Variants in ZFHX3 observed in about 807,000 individuals in gnomAD.
ZFHX3 encodes zinc finger homeobox 3, also known as zinc finger homeobox protein 3.
A neutral mutation model predicts 279.1 loss-of-function variants in ZFHX3; 42 were observed. The ratio of observed to expected loss-of-function variants is 0.15; its 90% CI spans 0.12 to 0.19. The LOEUF (loss-of-function observed/expected upper bound fraction) is 0.19. ZFHX3 is among the 10% of genes least tolerant of loss of function. ZFHX3 has a pLI of 1.00. For synonymous variants in ZFHX3, 2,293 were observed against 1,957.8 expected, an observed-to-expected ratio of 1.17 and a Z score of -4.52; for missense variants, 4,981 against 4,754.0, an observed-to-expected ratio of 1.05 and a Z score of -1.40.
chr16:73,138,321 G>T (rs1240254696), intron 6 of ZFHX3, among the ~76,000 whole-genome samples: 2 of 152,074 alleles, frequency 1.3e-5, no homozygotes, highest in Non-Finnish European at 2.9e-5. Context: ...GTTAATCAAC[G>T]TTTGGGCCCT....
At chr16:73,872,346 C>T (rs1315900312) in intron 1 of ZFHX3, among the ~76,000 whole-genome samples, 8 of 152,116 alleles carry the variant, frequency 5.3e-5, no homozygotes, top group Non-Finnish European at 1.2e-4. Context: ...GGCTCTTAGC[C>T]TCCCCAGTAG....
chr16:73,071,775 GTGTT>G (rs1965829745), intron 8 of ZFHX3, among the ~76,000 whole-genome samples: 1 of 152,236 alleles, frequency 6.6e-6, no homozygotes, highest in Admixed American at 6.5e-5. Context: ...GAGCCTCAAA[GTGTT>G]TATTTATTCT....
At chr16:73,530,069 A>G (rs958714853) in intron 2 of ZFHX3, among the ~76,000 whole-genome samples, 7 of 152,182 alleles carry the variant, frequency 4.6e-5, no homozygotes, top group Non-Finnish European at 1.0e-4. Context: ...GGTAAATTAC[A>G]GACAAAAAGA....
intron 2 of ZFHX3, among the ~76,000 whole-genome samples, chr16:73,626,249 A>G (rs2052415406): frequency 6.6e-6 from 1 of 152,170 alleles, no homozygotes; most frequent in Admixed American, 6.5e-5. Context: ...TGTCTTGGGC[A>G]GGGACCTCTC....
intron 2 of ZFHX3, among the ~76,000 whole-genome samples, chr16:73,591,224 G>C (rs1430277453): frequency 6.6e-6 from 1 of 151,942 alleles, no homozygotes; most frequent in Non-Finnish European, 1.5e-5. Flanking sequence ...ATGGTGGTGG[G>C]CGCTTGTAAT....
chr16:72,818,568 A>G (rs2036683856), intron 5 of ZFHX3, among the ~76,000 whole-genome samples: 1 of 152,206 alleles, frequency 6.6e-6, no homozygotes, highest in African/African-American at 2.4e-5. Flanking sequence ...CCAAGCACTT[A>G]GAGATGTTTC....
chr16:72,796,435 C>T lies in ZFHX3; in HGVS notation c.6247G>A (p.Val2083Met), dbSNP rs776462886. Residue 2083 changes from valine to methionine, a missense_variant, in exon 9 of 10, where the codon GTG becomes ATG. By Grantham distance (21) the Val-to-Met change is conservative. This residue lies in a region of ZFHX3 where 1,751 missense variants were observed against 1,770.0 expected (regional missense o/e 0.99). Coordinates refer to ENST00000268489, the MANE Select transcript of ZFHX3 (RefSeq NM_006885.4). Reference sequence around the variant, plus strand: ...GGCATGGAGAGCTGGGTGAGCGGCACTGATGGCTGGGCCGGTGCAATTGTA... The same window carrying T: ...GGCATGGAGAGCTGGGTGAGCGGCATTGATGGCTGGGCCGGTGCAATTGTA... The part of the protein sequence containing the change: ...SPTIAPAQPS[V>M]PLTQLSMPME... 1.2e-5 allele frequency: 19 copies of T among 1,610,328 alleles called. No individual in the cohort carries two copies. In the East Asian group the frequency reaches 3.6e-4, roughly 30 times the overall value.
At chr16:73,646,068 T>C (rs1303930153) in intron 2 of ZFHX3, among the ~76,000 whole-genome samples, 5 of 152,218 alleles carry the variant, frequency 3.3e-5, no homozygotes, top group Non-Finnish European at 7.3e-5. Flanking sequence ...AGACTAAAAA[T>C]GTGACCATAT....
chr16:72,977,726 T>C (rs559609145), intron 1 of ZFHX3, among the ~76,000 whole-genome samples: 76 of 151,932 alleles, frequency 5.0e-4, no homozygotes, highest in African/African-American at 1.8e-3. Flanking sequence ...CACACAGAAA[T>C]TCTACTGACC....
intron 5 of ZFHX3, among the ~76,000 whole-genome samples, chr16:72,824,924 G>A (rs1291553205): frequency 6.6e-6 from 1 of 152,248 alleles, no homozygotes; most frequent in Non-Finnish European, 1.5e-5. Flanking sequence ...TTGGACAGTG[G>A]CAATGGCTGT....
Position 73,769,047 on chromosome 16 carries a change from T to C in ZFHX3, c.-1607-88807A>G, listed in dbSNP as rs549848285. ...GGGCATGTACTTAAAAAATGATTCA[T>C]TGTTTATCTGAAATTCGAACTAAAC... On this transcript the variant is annotated intron_variant, in intron 1 of 17. Transcript: ENST00000641206. Among the ~76,000 whole-genome samples the C allele has an allele frequency of 1.2e-4, 18 of 152,250 alleles. No individual in the cohort carries two copies. In the East Asian group the frequency reaches 3.5e-3, roughly 30 times the overall value.
intron 4 of ZFHX3, among the ~76,000 whole-genome samples, chr16:72,876,641 T>C (rs2038322736): frequency 6.6e-6 from 1 of 152,162 alleles, no homozygotes; most frequent in South Asian, 2.1e-4. Context: ...ATTAAAATGA[T>C]TAAACCTTTC....
intron 3 of ZFHX3, among the ~76,000 whole-genome samples, chr16:73,447,406 G>A (rs2018206659): frequency 6.6e-6 from 1 of 152,204 alleles, no homozygotes; most frequent in African/African-American, 2.4e-5. Context: ...ATCCCAGAAT[G>A]AGTAGAAAGA....
intron 5 of ZFHX3, among the ~76,000 whole-genome samples, chr16:73,211,045 T>C (rs1157743757): frequency 1.3e-5 from 2 of 152,054 alleles, no homozygotes; most frequent in Non-Finnish European, 2.9e-5. Context: ...TCTATAGAAA[T>C]AGAGGATGAG....
chr16:73,430,927 G>A (rs549404798), intron 3 of ZFHX3, among the ~76,000 whole-genome samples: 18 of 152,324 alleles, frequency 1.2e-4, no homozygotes, highest in Admixed American at 6.5e-4. Flanking sequence ...ACATACTGGG[G>A]ACAAAATGGG....
chr16:72,919,777 C>CTTTTTTTTTTTTTTTTTTTTTTTTTTT (rs532405250), intron 3 of ZFHX3, among the ~76,000 whole-genome samples: 1 of 42,264 alleles, frequency 2.4e-5, no homozygotes, highest in African/African-American at 1.1e-4. Flanking sequence ...TATGCACCAT[C>CTTTTTTTTTTTTTTTTTTTTTTTTTTT]TTTTTTTTTT....
intron 3 of ZFHX3, among the ~76,000 whole-genome samples, chr16:72,906,127 C>A: frequency 6.6e-6 from 1 of 152,028 alleles, no homozygotes; most frequent in East Asian, 2.0e-4. Context: ...CCCGGGACAT[C>A]CAAGCAATTC....
chr16:73,746,612 G>C (rs1233463748), intron 1 of ZFHX3, among the ~76,000 whole-genome samples: 1 of 152,158 alleles, frequency 6.6e-6, no homozygotes, highest in Non-Finnish European at 1.5e-5. Context: ...ACGATTTCCT[G>C]TATGGAGGAC....
At chr16:72,868,035 G>C (rs564678361) in intron 4 of ZFHX3, among the ~76,000 whole-genome samples, 1 of 152,234 alleles carries the variant, frequency 6.6e-6, no homozygotes, top group Non-Finnish European at 1.5e-5. Flanking sequence ...TGTAAGACAT[G>C]ATCCCTGCCC....
Sources: allele counts gnomAD v4.1 joint callset (sites outside exome capture counted in the v4.1 genomes callset), GRCh38; gene constraint gnomAD v4.1.1; regional missense constraint gnomAD v4.1.1; transcripts MANE v1.5; gene names NCBI Gene and HGNC (gene_info 2026-07-23, HGNC 2026-07-21).